The following ZC3H3 variants were observed in gnomAD, a reference collection of about 807,000 sequenced individuals.
ZC3H3 encodes zinc finger CCCH-type containing 3, also known as zinc finger CCCH domain-containing protein 3.
A neutral mutation model predicts 77.3 loss-of-function variants in ZC3H3; 36 were observed. The observed-to-expected ratio is 0.47, with a 90% confidence interval of 0.36 to 0.61. The LOEUF (loss-of-function observed/expected upper bound fraction) is 0.61. Among genes scored for constraint, ZC3H3 ranks in the 20% least tolerant of loss-of-function variants. The pLI is 0.00. For missense variants in ZC3H3, 1,331 were observed against 1,312.2 expected (o/e 1.01, Z -0.22); for synonymous variants, 626 against 555.2 (o/e 1.13, Z -1.79).
At chr8:143,440,864 G>A (rs1414493996) in intron 10 of ZC3H3, 72 bp downstream of exon 10, 2 of 1,318,108 alleles carry the variant, frequency 1.5e-6, no homozygotes, top group Non-Finnish European at 1.9e-6. Context: ...TCAACCAGAG[G>A]GCCCCGGGCA....
Position 143,530,023 on chromosome 8 carries a change from C to A in ZC3H3, c.1561+6234G>T, listed in dbSNP as rs1486238890. The stretch of plus-strand genomic sequence containing the variant: ...GCAAATGCTGACAGCAGTTCCTCCA[C>A]ACCCAGGGGCGGGCACGGCAGACTG... On this transcript the variant is annotated intron_variant, in intron 3 of 11. Coordinates refer to ENST00000262577, the MANE Select transcript of ZC3H3 (RefSeq NM_015117.3). This position sits in a 1 kb window ranked among gnomAD's most constrained non-coding sequence, Gnocchi z 4.3. Among the ~76,000 whole-genome samples the A allele has an allele frequency of 6.6e-6, 1 of 152,244 alleles. No homozygotes were observed. The highest frequency in any genetic ancestry group is 1.5e-5 in the Non-Finnish European group (1 of 68,042).
At chr8:143,447,693 A>T (rs1819893989) in intron 9 of ZC3H3, among the ~76,000 whole-genome samples, 1 of 152,214 alleles carries the variant, frequency 6.6e-6, no homozygotes, top group Non-Finnish European at 1.5e-5. Context: ...ATCATGGCAG[A>T]AGGTGAAGTG....
In ZC3H3 at chr8:143,494,678, C is replaced by T. The variant is rs1183661073; in HGVS notation, c.1715+13068G>A. Among the ~76,000 whole-genome samples the T allele has an allele frequency of 6.6e-6, 1 of 152,142 alleles. No homozygotes were observed. Among genetic ancestry groups the T allele is most frequent in the Non-Finnish European group, 1.5e-5 (1 of 68,014 alleles). On this transcript the variant is annotated intron_variant, in intron 4 of 11. Coordinates refer to ENST00000262577, the MANE Select transcript of ZC3H3 (RefSeq NM_015117.3). This position sits in a 1 kb window ranked among gnomAD's most constrained non-coding sequence, Gnocchi z 5.3. ...ACGAGGGGATGGGAGCACAGGAACA[C>T]AGCCCCCAGAGGGCCAGGAGCCCCC...
In ZC3H3 at chr8:143,475,492, G is replaced by A; in HGVS notation, c.1809C>T (p.Cys603=). 1 of 1,613,028 alleles carries A rather than the reference G, an allele frequency of 6.2e-7. No individual in the cohort carries two copies. The highest frequency in any genetic ancestry group is 8.5e-7 in the Non-Finnish European group (1 of 1,179,918). Residue 603 remains cysteine (C), a synonymous_variant, in exon 5 of 12, where the codon TGC becomes TGT. Transcript: ENST00000262577. The part of the protein sequence containing the change: ...SPWWRSKGYR[C]IGGVLYKVSA... ...ATACTTTGTAGAGGACCCCTCCGATGCAGCGGTAGCCTTTGCTCCGCCACC... is the reference window on the plus strand; with the variant it reads ...ATACTTTGTAGAGGACCCCTCCGATACAGCGGTAGCCTTTGCTCCGCCACC...
intron 4 of ZC3H3, among the ~76,000 whole-genome samples, chr8:143,481,416 G>A (rs995986637): frequency 2.1e-4 from 32 of 152,318 alleles, no homozygotes; most frequent in African/African-American, 6.5e-4. Context: ...TGAGAACTCC[G>A]TGAGGTTGTG....
intron 9 of ZC3H3, among the ~76,000 whole-genome samples, chr8:143,443,043 G>A (rs548719565): frequency 1.1e-4 from 17 of 152,192 alleles, no homozygotes; most frequent in East Asian, 1.9e-4. Context: ...GAGCAAAAGC[G>A]GGTGGATCAC....
At chr8:143,475,624 G>T (rs1329529670) in intron 4 of ZC3H3, 39 bp from the exon 5 acceptor site, 1 of 1,534,522 alleles carries the variant, frequency 6.5e-7, no homozygotes, top group East Asian at 2.4e-5. Flanking sequence ...CTGGCCCCAG[G>T]ACAGACTACA....
chr8:143,515,243 G>C (rs996516719), intron 3 of ZC3H3, among the ~76,000 whole-genome samples: 2 of 152,238 alleles, frequency 1.3e-5, no homozygotes, highest in Non-Finnish European at 2.9e-5. Context: ...TCTAGACACC[G>C]AGCAGGGCAG....
chr8:143,499,145 G>A (rs1821449316), intron 4 of ZC3H3, among the ~76,000 whole-genome samples: 1 of 152,156 alleles, frequency 6.6e-6, no homozygotes, highest in African/African-American at 2.4e-5. Context: ...CTCAGCAGAG[G>A]CTCCTGGCTG....
chr8:143,440,452 C>A, intron 10 of ZC3H3, 89 bp from the exon 11 acceptor site: 1 of 1,457,064 alleles, frequency 6.9e-7, no homozygotes, highest in Non-Finnish European at 9.0e-7. Flanking sequence ...CTGCTTCCTG[C>A]TCCCGTGGCC....
chr8:143,496,129 G>T (rs995034345), intron 4 of ZC3H3, among the ~76,000 whole-genome samples: 1 of 152,184 alleles, frequency 6.6e-6, no homozygotes, highest in Non-Finnish European at 1.5e-5. Flanking sequence ...TCAGGAACAC[G>T]GAATGAGGGC....
At chr8:143,478,899 A>G (rs1422405712) in intron 4 of ZC3H3, among the ~76,000 whole-genome samples, 1 of 152,176 alleles carries the variant, frequency 6.6e-6, no homozygotes, top group African/African-American at 2.4e-5. Flanking sequence ...GAGTGTGAGA[A>G]CACCCAGAGG....
chr8:143,505,353 G>A (rs1039984473), intron 4 of ZC3H3, among the ~76,000 whole-genome samples: 10 of 152,218 alleles, frequency 6.6e-5, no homozygotes, highest in East Asian at 5.8e-4. Context: ...CGGAGATGGC[G>A]CATGGGCCAG....
chr8:143,529,335 G>A (rs1822525331), intron 3 of ZC3H3, among the ~76,000 whole-genome samples: 1 of 152,204 alleles, frequency 6.6e-6, no homozygotes, highest in South Asian at 2.1e-4. Flanking sequence ...AGCATCTGTG[G>A]CCAAACAGTG....
chr8:143,494,849 C>T lies in ZC3H3; in HGVS notation c.1715+12897G>A, dbSNP rs1821303038. 6.6e-6 allele frequency among the ~76,000 whole-genome samples: 1 copy of T among 152,210 alleles called. No individual in the cohort carries two copies. Among genetic ancestry groups the T allele is most frequent in the Admixed American group, 6.5e-5 (1 of 15,280 alleles). The stretch of plus-strand genomic sequence containing the variant: ...CAACGGGCAAACGGCCTGAGCAGAC[C>T]TTTCACACGGGAAGACCACCAGTGG... On this transcript the variant is annotated intron_variant, in intron 4 of 11. Transcript: ENST00000262577. The surrounding 1 kb of genome is among the most constrained non-coding windows in gnomAD (Gnocchi z 5.3).
chr8:143,488,540 C>T (rs377670631), intron 4 of ZC3H3, among the ~76,000 whole-genome samples: 3 of 148,488 alleles, frequency 2.0e-5, no homozygotes, highest in Admixed American at 6.6e-5. Flanking sequence ...GAACAGCACC[C>T]GCTACACGGC....
intron 4 of ZC3H3, among the ~76,000 whole-genome samples, chr8:143,495,550 G>A (rs899224455): frequency 1.3e-5 from 2 of 152,160 alleles, no homozygotes; most frequent in African/African-American, 2.4e-5. Flanking sequence ...TTATCTCGAC[G>A]AGGTATGCGT....
At chr8:143,475,615 T>C (rs754756156) in intron 4 of ZC3H3, 30 bp from the exon 5 acceptor site, 1 of 1,549,804 alleles carries the variant, frequency 6.5e-7, no homozygotes, top group Non-Finnish European at 8.7e-7. Context: ...CCGTCAAACC[T>C]GGCCCCAGGA....
chr8:143,508,353 T>C (rs945534102), intron 3 of ZC3H3, among the ~76,000 whole-genome samples: 2 of 152,304 alleles, frequency 1.3e-5, no homozygotes, highest in South Asian at 4.1e-4. Context: ...GCTCCTGGCC[T>C]GTGCCCTGCA....
Sources: allele counts gnomAD v4.1 joint callset (sites outside exome capture counted in the v4.1 genomes callset), GRCh38; gene constraint gnomAD v4.1.1; non-coding constraint Gnocchi (gnomAD v3.1); transcripts MANE v1.5; gene names NCBI Gene and HGNC (gene_info 2026-07-23, HGNC 2026-07-21).